USP34: variants seen among roughly 807,000 people sequenced by gnomAD.
The protein encoded by USP34 is ubiquitin carboxyl-terminal hydrolase 34.
A neutral mutation model predicts 460.3 loss-of-function variants in USP34; 70 were observed. The ratio of observed to expected loss-of-function variants is 0.15; its 90% confidence interval spans 0.13 to 0.19. USP34 has a LOEUF of 0.19. USP34 is among the 10% of genes least tolerant of loss of function. The pLI, the probability that USP34 is intolerant of heterozygous loss-of-function variation, is 1.00. For synonymous variants in USP34, 1,647 were observed against 1,405.3 expected, an observed-to-expected ratio of 1.17 and a Z score of -3.85; for missense variants, 3,985 against 4,236.2, an observed-to-expected ratio of 0.94 and a Z score of 1.65.
chr2:61,398,311 G>C (rs371899307), intron 3 of USP34, among the ~76,000 whole-genome samples: 3 of 152,092 alleles, frequency 2.0e-5, no homozygotes, highest in Admixed American at 1.3e-4. Flanking sequence ...AGGCTGCAAT[G>C]AGCCATGTTC....
intron 33 of USP34, among the ~76,000 whole-genome samples, chr2:61,291,803 A>T (rs1370642951): frequency 6.6e-6 from 1 of 152,224 alleles, no homozygotes; most frequent in Non-Finnish European, 1.5e-5. Context: ...ACTCATAAAC[A>T]AATGCTCACA....
intron 8 of USP34, among the ~76,000 whole-genome samples, chr2:61,374,016 C>T (rs1692713664): frequency 1.3e-5 from 2 of 152,054 alleles, no homozygotes; most frequent in Middle Eastern, 3.4e-3. Flanking sequence ...ATTAGCCAGG[C>T]GTGGTGGCAG....
intron 3 of USP34, among the ~76,000 whole-genome samples, chr2:61,396,127 T>C (rs1228537036): frequency 6.6e-6 from 1 of 152,204 alleles, no homozygotes; most frequent in Admixed American, 6.5e-5. Flanking sequence ...TAAGTGGTTT[T>C]TGTTTTGAAA....
chr2:61,189,998 A>C (rs1002369523), intron 78 of USP34: 1 of 313,914 alleles, frequency 3.2e-6, no homozygotes, highest in Non-Finnish European at 5.7e-6. Flanking sequence ...TTGTTTCCAA[A>C]AATATACCCA....
At chr2:61,396,633 C>T (rs1195602938) in intron 3 of USP34, among the ~76,000 whole-genome samples, 1 of 151,950 alleles carries the variant, frequency 6.6e-6, no homozygotes, top group Non-Finnish European at 1.5e-5. Flanking sequence ...GGATTACAGG[C>T]GCCCACCACC....
rs1197664084 is a variant in USP34, at chr2:61,295,160, G to A, written c.4377+8C>T. 2 of 1,603,834 alleles carry A rather than the reference G, an allele frequency of 1.2e-6. No homozygotes were observed. The highest frequency in any genetic ancestry group is 1.3e-5 in the African/African-American group (1 of 74,220). ...AACATTTAATGATAATAATGGAAAT[G>A]CAATTACCGTAGACTCCCTCCTTAT... On this transcript the variant is annotated splice_region_variant and intron_variant, in intron 31 of 79. Coordinates refer to ENST00000398571, the MANE Select transcript of USP34 (RefSeq NM_014709.4).
At chr2:61,439,811 G>T (rs549414436) in intron 1 of USP34, among the ~76,000 whole-genome samples, 2 of 152,300 alleles carry the variant, frequency 1.3e-5, no homozygotes, top group East Asian at 3.9e-4. Flanking sequence ...CTGTCACTAT[G>T]TGGGTCACAC....
intron 61 of USP34, among the ~76,000 whole-genome samples, chr2:61,227,739 A>AC (rs199777962): frequency 3.3e-5 from 5 of 151,680 alleles, no homozygotes; most frequent in Non-Finnish European, 5.9e-5. Context: ...AAACAAACAA[A>AC]AAAAAAACAA....
At chr2:61,319,032 T>A (rs937492237) in intron 22 of USP34, 141 bp downstream of exon 22, 2 of 731,136 alleles carry the variant, frequency 2.7e-6, no homozygotes, top group African/African-American at 3.7e-5. Context: ...GACCAAAAAT[T>A]ATATTAGGAC....
At chr2:61,222,038 T>C (rs1408796123) in intron 65 of USP34, among the ~76,000 whole-genome samples, 1 of 152,192 alleles carries the variant, frequency 6.6e-6, no homozygotes, top group Non-Finnish European at 1.5e-5. Context: ...CTGTAGTCGC[T>C]ACATTGCACA....
chr2:61,412,847 C>A (rs987548515), intron 2 of USP34, among the ~76,000 whole-genome samples: 36 of 148,996 alleles, frequency 2.4e-4, no homozygotes, highest in Non-Finnish European at 5.9e-5. Context: ...CATCATAACG[C>A]CACTGCACTC....
intron 39 of USP34, among the ~76,000 whole-genome samples, chr2:61,279,251 TA>T (rs1689463607): frequency 6.6e-6 from 1 of 152,180 alleles, no homozygotes; most frequent in Non-Finnish European, 1.5e-5. Flanking sequence ...GCAAAAAGTA[TA>T]AACACCACAG....
chr2:61,245,193 T>A lies in USP34; in HGVS notation c.6627+17A>T. On this transcript the variant is annotated intron_variant, in intron 51 of 79. Transcript: ENST00000398571. ...TGGAAGGACACAAACCATTTATAAT[T>A]TCTGAATAAAACTTACCGTCATCTC... The A allele has an allele frequency of 3.1e-6, 5 of 1,599,608 alleles. No individual in the cohort carries two copies. The highest frequency in any genetic ancestry group is 3.4e-6 in the Non-Finnish European group (4 of 1,168,642).
At chr2:61,467,407 CCT>C (rs1695804978) in intron 1 of USP34, among the ~76,000 whole-genome samples, 1 of 152,254 alleles carries the variant, frequency 6.6e-6, no homozygotes, top group African/African-American at 2.4e-5. Context: ...GCCTCAGCCT[CCT>C]GCCGAGGCGG....
At chr2:61,313,192 AG>A (rs1690647385) in intron 25 of USP34, among the ~76,000 whole-genome samples, 1 of 152,180 alleles carries the variant, frequency 6.6e-6, no homozygotes, top group Non-Finnish European at 1.5e-5. Flanking sequence ...ATTAACTTTT[AG>A]CATAAAACAT....
intron 10 of USP34, among the ~76,000 whole-genome samples, chr2:61,370,004 A>G (rs995803348): frequency 1.4e-5 from 2 of 140,082 alleles, no homozygotes; most frequent in Non-Finnish European, 3.1e-5. Flanking sequence ...AAAAAAAAAC[A>G]GTACATCAGA....
chr2:61,221,451 A>T, intron 66 of USP34, 51 bp downstream of exon 66: 1 of 1,508,674 alleles, frequency 6.6e-7, no homozygotes, highest in Non-Finnish European at 9.0e-7. Context: ...ATATTATAAA[A>T]ATAAAATCCT....
chr2:61,448,225 G>A (rs945451245), intron 1 of USP34, among the ~76,000 whole-genome samples: 4 of 152,198 alleles, frequency 2.6e-5, no homozygotes, highest in Non-Finnish European at 5.9e-5. Context: ...TATAATCCCA[G>A]TACTTTGGGC....
chr2:61,292,934 G>C (rs907624914), intron 33 of USP34, among the ~76,000 whole-genome samples: 5 of 151,568 alleles, frequency 3.3e-5, no homozygotes, highest in Non-Finnish European at 1.5e-5. Context: ...ATTCCATTTT[G>C]TTGAGGACCA....
Sources: gnomAD v4.1 joint callset for allele counts (sites outside exome capture counted in the v4.1 genomes callset) on GRCh38, gnomAD v4.1.1 for gene constraint, MANE v1.5 for transcripts, NCBI Gene and HGNC (gene_info 2026-07-23, HGNC 2026-07-21) for gene names.